The following MGMT variants were observed in gnomAD, a reference collection of about 807,000 sequenced individuals.
MGMT encodes O-6-methylguanine-DNA methyltransferase.
Under a neutral mutation model 15.9 loss-of-function variants are expected in MGMT, and 14 were observed. The ratio of observed to expected loss-of-function variants is 0.88; its 90% confidence interval spans 0.58 to 1.37. The LOEUF is 1.37. Ranked by LOEUF, MGMT falls within the 40% of genes most tolerant of loss-of-function variation. The pLI is 0.00. For synonymous variants in MGMT, 130 were observed against 118.2 expected (o/e 1.10, Z -0.65); for missense variants, 282 against 268.1 (o/e 1.05, Z -0.36).
chr10:129,611,735 G>A (rs998004697), intron 2 of MGMT, among the ~76,000 whole-genome samples: 8 of 152,166 alleles, frequency 5.3e-5, no homozygotes, highest in African/African-American at 1.7e-4. Context: ...GCTCCCGGGT[G>A]CGCTCTGGGG....
intron 2 of MGMT, among the ~76,000 whole-genome samples, chr10:129,696,364 G>C (rs1413249158): frequency 6.6e-6 from 1 of 152,186 alleles, no homozygotes; most frequent in Non-Finnish European, 1.5e-5. Flanking sequence ...AACCCACCAA[G>C]TTCTGTGTCT....
chr10:129,546,179 G>T (rs1281354578), intron 2 of MGMT, among the ~76,000 whole-genome samples: 1 of 152,240 alleles, frequency 6.6e-6, no homozygotes. Context: ...GCCCTGCATG[G>T]GGTGGGGAGG....
At chr10:129,742,099 C>T (rs1392427746) in intron 3 of MGMT, among the ~76,000 whole-genome samples, 2 of 152,212 alleles carry the variant, frequency 1.3e-5, no homozygotes, top group Admixed American at 1.3e-4. Flanking sequence ...GATGGCCAGG[C>T]ACCTGCCCAG....
intron 1 of MGMT, among the ~76,000 whole-genome samples, chr10:129,482,012 TTTC>T (rs1234330724): frequency 6.6e-6 from 1 of 152,210 alleles, no homozygotes; most frequent in Non-Finnish European, 1.5e-5. Context: ...TTGGTTTTCC[TTTC>T]TTCTTTTCTC....
chr10:129,712,242 A>T (rs1212088392), intron 3 of MGMT, among the ~76,000 whole-genome samples: 2 of 152,174 alleles, frequency 1.3e-5, no homozygotes, highest in Non-Finnish European at 2.9e-5. Flanking sequence ...TGCCCACGCG[A>T]GACTGTGGGG....
rs540984587 is a variant in MGMT, at chr10:129,743,895, C to T, written c.275-15307C>T. 2.0e-5 allele frequency among the ~76,000 whole-genome samples: 3 copies of T among 152,352 alleles called. No individual in the cohort carries two copies. The South Asian group carries it at 6.2e-4, about 32-fold the overall frequency. On this transcript the variant is annotated intron_variant, in intron 3 of 4. Transcript: ENST00000651593. ...AGGCCAGTTGGGCTTGACTCTGGAG[C>T]TTTGGAGGGCCATCCTCAGTGTATT...
chr10:129,732,542 T>C (rs1848512047), intron 3 of MGMT, among the ~76,000 whole-genome samples: 1 of 151,940 alleles, frequency 6.6e-6, no homozygotes. Flanking sequence ...ATTTTCTTTT[T>C]TTTTGGCATT....
chr10:129,550,350 T>A (rs1846142923), intron 2 of MGMT, among the ~76,000 whole-genome samples: 1 of 139,452 alleles, frequency 7.2e-6, no homozygotes, highest in Non-Finnish European at 1.6e-5. Context: ...TGTTTCACAG[T>A]GTTCCGCAGC....
Position 129,623,316 on chromosome 10 carries a change from G to A in MGMT, c.126-84579G>A, listed in dbSNP as rs1589899209. On this transcript the variant is annotated intron_variant, in intron 2 of 4. Transcript: ENST00000651593. ...GAGCCGCGCTGAGCAGCAGTTCAGCGGGGATACCAAGTTGGGGAAGATGCC... is the reference window on the plus strand; with the variant it reads ...GAGCCGCGCTGAGCAGCAGTTCAGCAGGGATACCAAGTTGGGGAAGATGCC... Among the ~76,000 whole-genome samples the A allele has an allele frequency of 2.6e-5, 4 of 152,182 alleles. No individual in the cohort carries two copies. The South Asian group carries it at 6.2e-4, about 24-fold the overall frequency.
Position 129,770,849 on chromosome 10 carries a change from C to T in MGMT, c.*3852C>T, listed in dbSNP as rs549935096. On this transcript the variant is annotated 3_prime_UTR_variant, in exon 5 of 5. Coordinates refer to ENST00000651593, the MANE Select transcript of MGMT (RefSeq NM_002412.5). The stretch of plus-strand genomic sequence containing the variant: ...CTTGTTGCCATCGGGGCAGTGGAGT[C>T]CCCGGAAACAGTCCAAGGCCCTGGG... 2.0e-5 allele frequency among the ~76,000 whole-genome samples: 3 copies of T among 148,490 alleles called. No homozygotes were observed. The East Asian group carries it at 6.1e-4, about 30-fold the overall frequency.
At chr10:129,713,461 G>A (rs1390546884) in intron 3 of MGMT, among the ~76,000 whole-genome samples, 1 of 152,172 alleles carries the variant, frequency 6.6e-6, no homozygotes, top group Non-Finnish European at 1.5e-5. Flanking sequence ...AAAAGAAGAA[G>A]AACCCATCCA....
intron 2 of MGMT, among the ~76,000 whole-genome samples, chr10:129,593,397 C>T (rs959302774): frequency 1.3e-5 from 2 of 152,212 alleles, no homozygotes; most frequent in African/African-American, 4.8e-5. Context: ...TCCTGCCTCC[C>T]CAGCTCTCTT....
intron 1 of MGMT, among the ~76,000 whole-genome samples, chr10:129,474,878 C>T (rs1408210620): frequency 6.6e-6 from 1 of 152,084 alleles, no homozygotes; most frequent in African/African-American, 2.4e-5. Context: ...GCCCTGGGCT[C>T]GCAGTGGCCT....
chr10:129,612,194 G>T (rs1301487462), intron 2 of MGMT, among the ~76,000 whole-genome samples: 1 of 152,202 alleles, frequency 6.6e-6, no homozygotes, highest in Non-Finnish European at 1.5e-5. Flanking sequence ...CAATAGAAAG[G>T]AATGTCTGGG....
At chr10:129,661,766 C>T (rs1011747210) in intron 2 of MGMT, among the ~76,000 whole-genome samples, 21 of 152,166 alleles carry the variant, frequency 1.4e-4, no homozygotes, top group African/African-American at 4.8e-4. Flanking sequence ...TGCTTTGAAG[C>T]GCCACTGTAA....
At position 129,708,058 on chromosome 10, in the gene MGMT, C is replaced by T. The variant is rs377462768; in HGVS notation, c.274+15C>T. The T allele has an allele frequency of 7.7e-5, 123 of 1,605,232 alleles. 1 individual carries two copies. The highest frequency in any genetic ancestry group is 1.3e-5 in the African/African-American group (1 of 74,356). ...TTTCCAGCAAGGTCGGTAACTAAGC[C>T]ATCTGCGGTGTTTCCTTTGGGGAGC... is the stretch of plus-strand genomic sequence containing the variant. On this transcript the variant is annotated intron_variant, in intron 3 of 4. Coordinates refer to ENST00000651593, the MANE Select transcript of MGMT (RefSeq NM_002412.5).
chr10:129,728,726 G>T (rs1394564090), intron 3 of MGMT, among the ~76,000 whole-genome samples: 1 of 151,918 alleles, frequency 6.6e-6, no homozygotes, highest in Non-Finnish European at 1.5e-5. Flanking sequence ...CATGGTCCCT[G>T]TTGTGTGCCC....
intron 2 of MGMT, among the ~76,000 whole-genome samples, chr10:129,611,489 T>C (rs566170118): frequency 1.3e-5 from 2 of 152,170 alleles, no homozygotes; most frequent in African/African-American, 2.4e-5. Context: ...TCTCCAAGAC[T>C]GAAGATCACA....
At chr10:129,679,429 G>GT (rs964874211) in intron 2 of MGMT, among the ~76,000 whole-genome samples, 2 of 151,948 alleles carry the variant, frequency 1.3e-5, no homozygotes, top group Non-Finnish European at 2.9e-5. Flanking sequence ...ACCAAAGAGC[G>GT]TTTTTTTCAC....
Sources: allele counts gnomAD v4.1 joint callset (sites outside exome capture counted in the v4.1 genomes callset), GRCh38; gene constraint gnomAD v4.1.1; transcripts MANE v1.5; gene names NCBI Gene and HGNC (gene_info 2026-07-23, HGNC 2026-07-21).